Variants in IQCM observed in about 807,000 individuals in gnomAD.
IQCM encodes the protein IQ motif containing M.
Under a neutral mutation model 57.6 loss-of-function variants are expected in IQCM, and 45 were observed. The observed-to-expected ratio is 0.78, with a 90% CI of 0.62 to 1.00. The LOEUF (loss-of-function observed/expected upper bound fraction) is 1.00, where lower values mean the gene tolerates loss of function less well. Ranked by LOEUF, IQCM falls within the 50% of genes least tolerant of loss-of-function variation. The pLI, the probability that IQCM is intolerant of heterozygous loss-of-function variation, is 0.00. For synonymous variants in IQCM, 148 were observed against 158.9 expected, an observed-to-expected ratio of 0.93 and a Z score of 0.51; for missense variants, 468 against 511.6, an observed-to-expected ratio of 0.91 and a Z score of 0.82.
intron 7 of IQCM, among the ~76,000 whole-genome samples, chr4:149,672,708 A>G (rs186277583): frequency 1.3e-5 from 2 of 152,310 alleles, no homozygotes; most frequent in East Asian, 1.9e-4. Context: ...ACTCTTCAGG[A>G]TATTTTCCAG....
In IQCM at chr4:149,553,149, T is replaced by C. The variant is rs1749194086; in HGVS notation, c.1087A>G (p.Lys363Glu). The C allele has an allele frequency of 8.1e-7, 1 of 1,232,024 alleles. No homozygotes were observed. The highest frequency in any genetic ancestry group is 1.0e-6 in the Non-Finnish European group (1 of 987,864). 76.3% of individuals were successfully genotyped at this position (1,232,024 alleles called of 1,614,324 possible). A position where few individuals can be genotyped will look rare whatever the true frequency, so the allele number is the denominator to read the frequency against. The change falls in exon 11 of 14, where the codon AAA (lysine) becomes GAA (glutamate). Residue 363 changes from lysine (K) to glutamate (E), a missense_variant. Coordinates refer to ENST00000636793, the MANE Select transcript of IQCM (RefSeq NM_001363507.2). Reference sequence around the variant, plus strand: ...AAGTGTCTGCATCACTTACATTTTTTTCGGTCCATCCACTCCTCTAGCTCT... The same window carrying C: ...AAGTGTCTGCATCACTTACATTTTTCTCGGTCCATCCACTCCTCTAGCTCT... The part of the protein sequence containing the change: ...LAELEEWMDR[K>E]KFYEIMFAKR...
At chr4:149,424,871 C>T (rs776743611) in intron 13 of IQCM, among the ~76,000 whole-genome samples, 5 of 152,058 alleles carry the variant, frequency 3.3e-5, no homozygotes, top group African/African-American at 1.2e-4. Flanking sequence ...ATTATACACA[C>T]CTCACTAAAT....
chr4:149,667,096 C>T lies in IQCM; in HGVS notation c.565+15022G>A, dbSNP rs544892231. 4.8e-4 allele frequency among the ~76,000 whole-genome samples: 73 copies of T among 152,294 alleles called. 1 individual carries two copies. In the South Asian group the frequency reaches 0.015, roughly 32 times the overall value. On this transcript the variant is annotated intron_variant, in intron 7 of 13. Transcript: ENST00000636793. ...GCTCTGCTAAGGGGACAGACTGCCT[C>T]CTCAAGTGAGTCCCTGACCCCCATG...
chr4:149,446,051 T>A (rs559511057), intron 12 of IQCM, among the ~76,000 whole-genome samples: 233 of 151,904 alleles, frequency 1.5e-3, no homozygotes, highest in African/African-American at 5.4e-3. Flanking sequence ...TTCAGATAAA[T>A]CACCAAGGAC....
At chr4:149,486,023 C>G (rs918577001) in intron 12 of IQCM, among the ~76,000 whole-genome samples, 1,388 of 110,210 alleles carry the variant, frequency 0.013, 14 homozygotes, top group Non-Finnish European at 0.016. Flanking sequence ...CAGAGTCTCT[C>G]TCTCTCTCTC....
chr4:149,449,433 A>G (rs943499358), intron 12 of IQCM, among the ~76,000 whole-genome samples: 1 of 146,120 alleles, frequency 6.8e-6, no homozygotes, highest in African/African-American at 2.5e-5. Context: ...TGAATTATCA[A>G]TCTCCCCTAC....
chr4:149,762,295 C>T (rs1338750399), intron 2 of IQCM, among the ~76,000 whole-genome samples: 1 of 149,622 alleles, frequency 6.7e-6, no homozygotes, highest in Non-Finnish European at 1.5e-5. Flanking sequence ...GGAGGACAGG[C>T]CTCAAAAAAC....
At chr4:149,394,618 T>A (rs1475062528) in intron 13 of IQCM, among the ~76,000 whole-genome samples, 1 of 151,848 alleles carries the variant, frequency 6.6e-6, no homozygotes, top group Non-Finnish European at 1.5e-5. Flanking sequence ...GGGGTGAGGA[T>A]CAGTCTCTAT....
intron 12 of IQCM, among the ~76,000 whole-genome samples, chr4:149,519,992 G>A (rs943728387): frequency 7.2e-5 from 11 of 151,994 alleles, no homozygotes; most frequent in Non-Finnish European, 1.2e-4. Context: ...GAGACACAGC[G>A]AGACTCTGTC....
chr4:149,687,551 C>T (rs55772216), intron 5 of IQCM, among the ~76,000 whole-genome samples: 31,734 of 151,532 alleles, frequency 0.21, 4,121 homozygotes, highest in Non-Finnish European at 0.28. Flanking sequence ...GCCAATCATT[C>T]TGACACTACT....
At chr4:149,541,011 C>T (rs1420211952) in intron 12 of IQCM, among the ~76,000 whole-genome samples, 2 of 152,068 alleles carry the variant, frequency 1.3e-5, no homozygotes, top group Admixed American at 1.3e-4. Flanking sequence ...AATCTAAAGT[C>T]CTCTATTTTT....
rs113451663 is a variant in IQCM, at chr4:149,608,358, T to C, written c.681+12771A>G. On this transcript the variant is annotated intron_variant, in intron 8 of 13. Transcript: ENST00000636793. ...CACTTTCAGCATTAGACAGATAATC[T>C]AGACAGAAAATCAATTAAGAAACAT... 1.7e-3 allele frequency among the ~76,000 whole-genome samples: 261 copies of C among 151,976 alleles called. 1 individual carries two copies. The highest frequency in any genetic ancestry group is 2.7e-3 in the Non-Finnish European group (183 of 67,784).
In IQCM at chr4:149,624,597, G is replaced by GAC. The variant is rs937127499; in HGVS notation, c.566-3354_566-3353insGT. Among the ~76,000 whole-genome samples the GAC allele has an allele frequency of 6.6e-5, 10 of 152,260 alleles. No homozygotes were observed. The South Asian group carries it at 1.5e-3, about 22-fold the overall frequency. ...GTCAGGGAATGAGAAACAAGGGAAA[G>GAC]AAAAGGGAAGGAAAGAAAAGTTCTT... On this transcript the variant is annotated intron_variant, in intron 7 of 13. Coordinates refer to ENST00000636793, the MANE Select transcript of IQCM (RefSeq NM_001363507.2).
intron 11 of IQCM, among the ~76,000 whole-genome samples, chr4:149,551,024 T>C (rs993475104): frequency 5.9e-5 from 9 of 152,230 alleles, no homozygotes; most frequent in African/African-American, 2.2e-4. Context: ...AGTTGCTTCA[T>C]AGTCCTCTGT....
intron 12 of IQCM, among the ~76,000 whole-genome samples, chr4:149,520,069 C>A (rs1196016007): frequency 6.6e-6 from 1 of 152,090 alleles, no homozygotes; most frequent in Non-Finnish European, 1.5e-5. Context: ...ATATGTAGTA[C>A]AATCGGTTAA....
intron 10 of IQCM, among the ~76,000 whole-genome samples, chr4:149,562,074 G>C (rs1750178310): frequency 6.6e-6 from 1 of 152,172 alleles, no homozygotes. Context: ...ATGTGATGAA[G>C]CTTAACAAAA....
chr4:149,806,626 ATAAG>A (rs1285553422), intron 2 of IQCM, among the ~76,000 whole-genome samples: 1 of 151,974 alleles, frequency 6.6e-6, no homozygotes. Flanking sequence ...ATGAACTTTT[ATAAG>A]TAAGTCCCTG....
intron 12 of IQCM, among the ~76,000 whole-genome samples, chr4:149,520,927 G>T (rs567439838): frequency 8.6e-5 from 13 of 151,946 alleles, no homozygotes; most frequent in African/African-American, 1.7e-4. Context: ...AGCCTCTCTC[G>T]CTGCTCTGCT....
chr4:149,679,930 G>A (rs953360522), intron 7 of IQCM, among the ~76,000 whole-genome samples: 5 of 151,184 alleles, frequency 3.3e-5, no homozygotes, highest in African/African-American at 1.2e-4. Context: ...TATTTTTCAC[G>A]AAAGACACAA....
Sources: gnomAD v4.1 joint callset for allele counts (sites outside exome capture counted in the v4.1 genomes callset) on GRCh38, gnomAD v4.1.1 for gene constraint, MANE v1.5 for transcripts, NCBI Gene and HGNC (gene_info 2026-07-23, HGNC 2026-07-21) for gene names.